The following SNX8 variants were observed in gnomAD, a reference collection of about 807,000 sequenced individuals.
The protein encoded by SNX8 is sorting nexin-8.
SNX8 carries 25 observed loss-of-function variants against 51.6 expected under a neutral mutation model. The ratio of observed to expected loss-of-function variants is 0.48; its 90% CI spans 0.35 to 0.68. The LOEUF is 0.68. SNX8 is among the 30% of genes least tolerant of loss of function. SNX8 has a pLI of 0.00. For missense variants in SNX8, 695 were observed against 624.0 expected (o/e 1.11, Z -1.21); for synonymous variants, 324 against 277.0 (o/e 1.17, Z -1.68).
chr7:2,303,091 G>A (rs1285009443), intron 1 of SNX8, among the ~76,000 whole-genome samples: 18 of 146,536 alleles, frequency 1.2e-4, no homozygotes, highest in African/African-American at 2.3e-4. Context: ...CAGCCGCCCC[G>A]TCCGGGAGGG....
intron 1 of SNX8, among the ~76,000 whole-genome samples, chr7:2,282,798 G>A (rs1010308379): frequency 9.9e-5 from 15 of 152,016 alleles, no homozygotes; most frequent in African/African-American, 2.7e-4. Context: ...CCAACGTGGC[G>A]AAATTCCATC....
chr7:2,269,325 T>C (rs1447135140), intron 5 of SNX8, among the ~76,000 whole-genome samples: 4 of 150,826 alleles, frequency 2.7e-5, no homozygotes, highest in Non-Finnish European at 4.4e-5. Context: ...GCATGCTCGT[T>C]AAGAGTCATC....
chr7:2,258,778 C>T (rs1378848214), intron 7 of SNX8, among the ~76,000 whole-genome samples: 1 of 152,134 alleles, frequency 6.6e-6, no homozygotes, highest in Non-Finnish European at 1.5e-5. Flanking sequence ...ACACAGGCTC[C>T]TCTTCGGCCC....
In SNX8 at chr7:2,264,261, C is replaced by T. The variant is rs769159373; in HGVS notation, c.782+37G>A. ...TTCACCAGCATGGATTCCCGTCCCA[C>T]CGCGCGTGCCCCTGCAGAAGCTGAA... On this transcript the variant is annotated intron_variant, in intron 6 of 10. Transcript: ENST00000222990. The T allele has an allele frequency of 3.8e-6, 6 of 1,583,812 alleles. No individual in the cohort carries two copies. The African/African-American group carries it at 4.0e-5, about 11-fold the overall frequency.
intron 1 of SNX8, chr7:2,310,084 G>C (rs1264875197): frequency 2.8e-5 from 10 of 352,088 alleles, no homozygotes; most frequent in Non-Finnish European, 5.7e-5. Context: ...TAGGGCCGCA[G>C]GACTGTATAC....
At position 2,264,291 on chromosome 7, in the gene SNX8, C is replaced by A; in HGVS notation, c.782+7G>T. On this transcript the variant is annotated splice_region_variant and intron_variant, in intron 6 of 10. Transcript: ENST00000222990. ...CGTGCCCCTGCAGAAGCTGAAAGGT[C>A]ACCTACCTTAGCTCCTTCCCGAATA... The A allele has an allele frequency of 6.2e-7, 1 of 1,604,392 alleles. No homozygotes were observed. Among genetic ancestry groups the A allele is most frequent in the South Asian group, 1.1e-5 (1 of 90,886 alleles).
chr7:2,308,665 CA>C (rs756364188), intron 1 of SNX8, among the ~76,000 whole-genome samples: 20,434 of 61,814 alleles, frequency 0.33, 1,046 homozygotes, highest in Middle Eastern at 0.47. Context: ...GACTCTGTCT[CA>C]AAAAAAAAAA....
At chr7:2,278,529 G>C (rs1365321559) in intron 1 of SNX8, among the ~76,000 whole-genome samples, 1 of 152,206 alleles carries the variant, frequency 6.6e-6, no homozygotes, top group Non-Finnish European at 1.5e-5. Context: ...CTGTGTGCTA[G>C]CTCAGCACAT....
At chr7:2,328,042 T>A (rs1435668501) in intron 1 of SNX8, among the ~76,000 whole-genome samples, 1 of 151,862 alleles carries the variant, frequency 6.6e-6, no homozygotes, top group Non-Finnish European at 1.5e-5. Context: ...ATTTTTTTAT[T>A]TTGATTTTAT....
Position 2,257,522 on chromosome 7 carries a change from G to C in SNX8, c.985-8C>G. On this transcript the variant is annotated splice_polypyrimidine_tract_variant and splice_region_variant and intron_variant, in intron 8 of 10. Coordinates refer to ENST00000222990, the MANE Select transcript of SNX8 (RefSeq NM_013321.4). The stretch of plus-strand genomic sequence containing the variant: ...ATGCCGCTCGCACAGGTCCTGCGGG[G>C]CCGGGGGAGGCATTCGCCCGCTGTC... 6.2e-7 allele frequency: 1 copy of C among 1,600,514 alleles called. No individual in the cohort carries two copies. Among genetic ancestry groups the C allele is most frequent in the Non-Finnish European group, 8.5e-7 (1 of 1,177,568 alleles).
chr7:2,328,300 A>C (rs13247435), intron 1 of SNX8, among the ~76,000 whole-genome samples: 2 of 150,852 alleles, frequency 1.3e-5, no homozygotes, highest in African/African-American at 4.9e-5. Flanking sequence ...CAAGTGATCC[A>C]CCTGCCTTGG....
intron 1 of SNX8, among the ~76,000 whole-genome samples, chr7:2,338,238 G>A (rs932108064): frequency 7.2e-5 from 11 of 151,994 alleles, no homozygotes; most frequent in Non-Finnish European, 1.3e-4. Context: ...CGAGGCGGGC[G>A]GATCACGAGG....
At chr7:2,316,733 G>GCATT (rs1310539974), upstream of SNX8, among the ~76,000 whole-genome samples, 1 of 133,062 alleles carries the variant, frequency 7.5e-6, no homozygotes, top group South Asian at 2.5e-4. Flanking sequence ...ACTGCATCCT[G>GCATT]CATTCATTCA....
At chr7:2,264,832 C>T (rs1489628355) in intron 5 of SNX8, among the ~76,000 whole-genome samples, 3 of 151,784 alleles carry the variant, frequency 2.0e-5, no homozygotes, top group East Asian at 1.9e-4. Flanking sequence ...GTCAGGAGTT[C>T]AAGACCAGCC....
chr7:2,273,592 A>T (rs889414464), intron 3 of SNX8, among the ~76,000 whole-genome samples: 5 of 145,142 alleles, frequency 3.4e-5, no homozygotes, highest in African/African-American at 1.3e-4. Context: ...TCTCAAAAAC[A>T]AAAACAAAAA....
At chr7:2,277,691 C>A (rs1795812433) in intron 2 of SNX8, among the ~76,000 whole-genome samples, 3 of 151,962 alleles carry the variant, frequency 2.0e-5, no homozygotes, top group African/African-American at 7.3e-5. Context: ...CCTGTCATCC[C>A]AGCTACTTGG....
Position 2,255,029 on chromosome 7 carries a change from C to T in SNX8, c.*27G>A, listed in dbSNP as rs1562417464. On this transcript the variant is annotated 3_prime_UTR_variant, in exon 11 of 11. Transcript: ENST00000222990. The stretch of plus-strand genomic sequence containing the variant: ...TTGGAAAGAGGTTTTAGTGCGGCCG[C>T]AGGGAGCACCACCTCAGCCTCAGGC... 2.1e-6 allele frequency: 3 copies of T among 1,442,730 alleles called. No homozygotes were observed. The highest frequency in any genetic ancestry group is 2.5e-5 in the East Asian group (1 of 40,718). 89.4% of individuals were successfully genotyped at this position (1,442,730 alleles called of 1,614,324 possible). A position where few individuals can be genotyped will look rare whatever the true frequency, so the allele number is the denominator to read the frequency against.
intron 1 of SNX8, among the ~76,000 whole-genome samples, chr7:2,284,746 G>A (rs6461282): frequency 0.084 from 12,821 of 151,884 alleles, 1,512 homozygotes; most frequent in African/African-American, 0.27. Flanking sequence ...AATGAAAAAC[G>A]ACAAGTCAGA....
rs376854930 is a variant in SNX8 at position 2,278,217 on chromosome 7, C to A, written c.183G>T (p.Pro61=). ...PSRMQMPQGN[P]LLLSHTLQEL... ...CCTGCAGGGTGTGGGACAGCAGCAG[C>A]GGGTTCCCCTGCGGCATCTGCATTC... The change falls in exon 2 of 11, where the codon CCG becomes CCT. Residue 61 remains proline, a synonymous_variant. Transcript: ENST00000222990. 3 of 1,612,956 alleles carry A rather than the reference C, an allele frequency of 1.9e-6. No homozygotes were observed. The highest frequency in any genetic ancestry group is 2.5e-6 in the Non-Finnish European group (3 of 1,179,346).
Sources: gnomAD v4.1 joint callset for allele counts (sites outside exome capture counted in the v4.1 genomes callset) on GRCh38, gnomAD v4.1.1 for gene constraint, MANE v1.5 for transcripts, NCBI Gene and HGNC (gene_info 2026-07-23, HGNC 2026-07-21) for gene names.